The following BCKDHB variants were observed in gnomAD, a reference collection of about 807,000 sequenced individuals.
The protein encoded by BCKDHB is branched chain keto acid dehydrogenase E1 subunit beta, also known as 2-oxoisovalerate dehydrogenase subunit beta, mitochondrial.
In BCKDHB, 41 loss-of-function variants were observed where a neutral mutation model predicts 48.5. That is an observed-to-expected ratio of 0.85 (90% CI 0.66 to 1.10). BCKDHB has a LOEUF of 1.10. BCKDHB is among the 50% of genes least tolerant of loss of function. The probability of loss-of-function intolerance (pLI) is 0.00; values close to 1 mark genes in which losing one functional copy is unlikely to be tolerated. For missense variants in BCKDHB, 496 were observed against 494.2 expected, an observed-to-expected ratio of 1.00 and a Z score of -0.03; for synonymous variants, 201 against 174.8, an observed-to-expected ratio of 1.15 and a Z score of -1.18.
In BCKDHB at chr6:80,127,551, A is replaced by G. The variant is rs936092225; in HGVS notation, c.201A>G (p.Gln67=). The G allele has an allele frequency of 1.9e-6, 3 of 1,612,908 alleles. No homozygotes were observed. Among genetic ancestry groups the G allele is most frequent in the African/African-American group, 1.3e-5 (1 of 74,858 alleles). The stretch of plus-strand genomic sequence containing the variant: ...TTTTTTTTTTGATTTTCACAGGGCA[A>G]ACTCAGAAAATGAATCTTTTCCAGT... ...QPDPEPREYG[Q]TQKMNLFQSV... The change falls in exon 2 of 10, where the codon CAA becomes CAG. Residue 67 remains glutamine, a synonymous_variant. Transcript: ENST00000320393.
At chr6:80,138,110 G>C (rs549184604) in intron 3 of BCKDHB, among the ~76,000 whole-genome samples, 1 of 151,970 alleles carries the variant, frequency 6.6e-6, no homozygotes, top group East Asian at 1.9e-4. Context: ...AAGGCTGAGA[G>C]ACTCTGATCT....
At chr6:80,249,201 C>A (rs979563147) in intron 8 of BCKDHB, among the ~76,000 whole-genome samples, 2 of 151,468 alleles carry the variant, frequency 1.3e-5, no homozygotes, top group Non-Finnish European at 2.9e-5. Context: ...GTTGTGGTGA[C>A]CAAAAATGTC....
the BCKDHB span, among the ~76,000 whole-genome samples, chr6:80,391,159 TAATA>T: frequency 8.2e-6 from 1 of 122,274 alleles, no homozygotes; most frequent in Non-Finnish European, 1.7e-5. Flanking sequence ...AGTTAATACT[TAATA>T]AATGCATATA....
At chr6:80,320,424 C>T (rs1028365067) in intron 9 of BCKDHB, among the ~76,000 whole-genome samples, 1 of 152,066 alleles carries the variant, frequency 6.6e-6, no homozygotes, top group African/African-American at 2.4e-5. Context: ...TTTTTTCATA[C>T]ATCTTGATAA....
chr6:80,212,108 A>G lies in BCKDHB; in HGVS notation c.951+8896A>G, dbSNP rs113962088. 5.9e-3 allele frequency among the ~76,000 whole-genome samples: 895 copies of G among 152,298 alleles called. 10 individuals carry two copies. Among genetic ancestry groups the G allele is most frequent in the African/African-American group, 0.021 (855 of 41,562 alleles). ...AAAGCAGAACTACTGATAAGGGTCT[A>G]TGTTCAGCAGTGCACCTGTTGTCTT... is the stretch of plus-strand genomic sequence containing the variant. On this transcript the variant is annotated intron_variant, in intron 8 of 9. Coordinates refer to ENST00000320393, the MANE Select transcript of BCKDHB (RefSeq NM_183050.4).
intron 6 of BCKDHB, among the ~76,000 whole-genome samples, chr6:80,183,449 A>C (rs945570128): frequency 6.6e-6 from 1 of 152,170 alleles, no homozygotes; most frequent in Admixed American, 6.5e-5. Context: ...TTATTTTTTA[A>C]GAGCAATTTT....
At chr6:80,367,415 A>G in the BCKDHB span, among the ~76,000 whole-genome samples, 1 of 152,200 alleles carries the variant, frequency 6.6e-6, no homozygotes, top group Non-Finnish European at 1.5e-5. Flanking sequence ...TCATACATAT[A>G]TATGTATTTC....
chr6:80,341,018 G>T (rs567739653), intron 9 of BCKDHB, among the ~76,000 whole-genome samples: 1 of 152,188 alleles, frequency 6.6e-6, no homozygotes, highest in Admixed American at 6.5e-5. Flanking sequence ...GTTCATGGAA[G>T]AAATAACTTA....
the BCKDHB span, among the ~76,000 whole-genome samples, chr6:80,462,563 A>G: frequency 1.3e-5 from 2 of 152,290 alleles, no homozygotes; most frequent in South Asian, 4.1e-4. Flanking sequence ...AGTAGCCACA[A>G]ACTGGGCCCT....
At chr6:80,430,235 A>T in the BCKDHB span, among the ~76,000 whole-genome samples, 47 of 152,274 alleles carry the variant, frequency 3.1e-4, no homozygotes, top group African/African-American at 1.1e-3. Context: ...ATGGTGGATA[A>T]GCTTTTTGAT....
chr6:80,150,268 C>T (rs1771705901), intron 3 of BCKDHB, among the ~76,000 whole-genome samples: 1 of 152,096 alleles, frequency 6.6e-6, no homozygotes, highest in Admixed American at 6.6e-5. Context: ...GTACCTGTAA[C>T]TCAGTATACT....
At chr6:80,283,947 C>T (rs913889332) in intron 9 of BCKDHB, among the ~76,000 whole-genome samples, 2 of 152,096 alleles carry the variant, frequency 1.3e-5, no homozygotes, top group African/African-American at 4.8e-5. Context: ...GACACATATT[C>T]AATTTGCCAA....
chr6:80,162,106 A>T (rs996340612), intron 3 of BCKDHB, among the ~76,000 whole-genome samples: 13 of 152,150 alleles, frequency 8.5e-5, no homozygotes, highest in Admixed American at 2.0e-4. Context: ...CAAGGCTGGG[A>T]AGTTCCGGGG....
chr6:80,400,915 C>T, the BCKDHB span, among the ~76,000 whole-genome samples: 1 of 151,894 alleles, frequency 6.6e-6, no homozygotes, highest in Admixed American at 6.6e-5. Context: ...TTCCTGGCAG[C>T]AACATGGATG....
Position 80,167,789 on chromosome 6 carries a change from A to T in BCKDHB, c.455A>T (p.Tyr152Phe). ...TAIAEIQFAD[Y>F]IFPAFDQIVN... is the part of the protein sequence containing the mutation. The stretch of plus-strand genomic sequence containing the variant: ...ATTGCGGAAATTCAGTTTGCAGATT[A>T]TATTTTCCCTGCATTTGATCAGGTA... The change falls in exon 4 of 10, where the codon TAT becomes TTT. Residue 152 changes from tyrosine (Y) to phenylalanine (F), a missense_variant. Tyr to Phe is a conservative substitution (Grantham distance 22). Coordinates refer to ENST00000320393, the MANE Select transcript of BCKDHB (RefSeq NM_183050.4). 2 of 1,613,868 alleles carry T rather than the reference A, an allele frequency of 1.2e-6. No individual in the cohort carries two copies. Among genetic ancestry groups the T allele is most frequent in the Non-Finnish European group, 1.7e-6 (2 of 1,179,886 alleles).
chr6:80,285,816 A>C (rs676310), intron 9 of BCKDHB, among the ~76,000 whole-genome samples: 1 of 151,972 alleles, frequency 6.6e-6, no homozygotes, highest in Non-Finnish European at 1.5e-5. Context: ...GATGTAGGCA[A>C]ATCTTTTTTT....
At chr6:80,430,731 T>C in the BCKDHB span, among the ~76,000 whole-genome samples, 1 of 152,234 alleles carries the variant, frequency 6.6e-6, no homozygotes, top group Non-Finnish European at 1.5e-5. Context: ...TGAGTCTCGC[T>C]AGCAGTCTAT....
At chr6:80,209,446 A>G (rs1252975534) in intron 8 of BCKDHB, among the ~76,000 whole-genome samples, 2 of 151,988 alleles carry the variant, frequency 1.3e-5, no homozygotes, top group African/African-American at 4.8e-5. Flanking sequence ...GAGATGTGTT[A>G]TTAGTGCTGT....
chr6:80,179,510 G>A lies in BCKDHB; in HGVS notation c.742+8120G>A, dbSNP rs151105100. On this transcript the variant is annotated intron_variant, in intron 6 of 9. Coordinates refer to ENST00000320393, the MANE Select transcript of BCKDHB (RefSeq NM_183050.4). ...AGATATGATTTTAAGGATAAGGGAG[G>A]TTGTGCATAGGTTCTATGCAAATCC... 1.7e-3 allele frequency among the ~76,000 whole-genome samples: 260 copies of A among 152,178 alleles called. 1 individual carries two copies. Among genetic ancestry groups the A allele is most frequent in the African/African-American group, 6.0e-3 (250 of 41,520 alleles).
Sources: gnomAD v4.1 joint callset for allele counts (sites outside exome capture counted in the v4.1 genomes callset) on GRCh38, gnomAD v4.1.1 for gene constraint, MANE v1.5 for transcripts, NCBI Gene and HGNC (gene_info 2026-07-23, HGNC 2026-07-21) for gene names.